The following ANKRD10 variants were observed in gnomAD, a reference collection of about 807,000 sequenced individuals.
ANKRD10 encodes the protein ankyrin repeat domain-containing protein 10.
ANKRD10 carries 14 observed loss-of-function variants against 27.0 expected under a neutral mutation model. That is an observed-to-expected ratio of 0.52 (90% CI 0.34 to 0.81). The LOEUF is 0.81. Among genes scored for constraint, ANKRD10 ranks in the 40% least tolerant of loss-of-function variants. The pLI, the probability that ANKRD10 is intolerant of heterozygous loss-of-function variation, is 0.01. For missense variants in ANKRD10, 493 were observed against 544.0 expected (o/e 0.91, Z 0.93); for synonymous variants, 250 against 224.5 (o/e 1.11, Z -1.01).
chr13:110,894,156 G>C lies in ANKRD10; in HGVS notation c.456-893C>G, dbSNP rs748137399. The C allele has an allele frequency of 5.0e-6, 8 of 1,612,364 alleles. No homozygotes were observed. The Admixed American group carries it at 5.0e-5, about 10-fold the overall frequency. ...GAGGGATCAAAAGTAACTCCATGTT[G>C]AAGTTCCCCTGGAAGACAAGAATGT... On this transcript the variant is annotated intron_variant, in intron 3 of 5. Coordinates refer to ENST00000267339, the MANE Select transcript of ANKRD10 (RefSeq NM_017664.4).
Position 110,914,543 on chromosome 13 carries a change from G to GC in ANKRD10, c.210+181dup, listed in dbSNP as rs1247931997. 1.3e-5 allele frequency: 11 copies of GC among 825,814 alleles called. No individual in the cohort carries two copies. The African/African-American group carries it at 1.8e-4, about 14-fold the overall frequency. The allele number at this position is 825,814 out of a possible 1,614,324, so 51.2% of individuals were successfully genotyped here. ...CCCCGCGCCCCCCGGCTGCCCCGCC[G>GC]CGACTCCGGGCCGCGAGCGCTGCCG... is the stretch of plus-strand genomic sequence containing the variant. On this transcript the variant is annotated intron_variant, in intron 1 of 5. Transcript: ENST00000267339.
At chr13:110,909,114 C>T (rs1413534607) in intron 2 of ANKRD10, among the ~76,000 whole-genome samples, 1 of 152,108 alleles carries the variant, frequency 6.6e-6, no homozygotes, top group African/African-American at 2.4e-5. Flanking sequence ...GAAAAGGGGG[C>T]TTCTTGATTT....
intron 1 of ANKRD10, 23 bp downstream of exon 1, chr13:110,914,702 C>T (rs374787040): frequency 3.2e-6 from 5 of 1,544,962 alleles, no homozygotes; most frequent in Non-Finnish European, 4.4e-6. Context: ...GGGAAAATGG[C>T]GCCTTAAAGC....
intron 4 of ANKRD10, among the ~76,000 whole-genome samples, chr13:110,887,710 A>G (rs7986206): frequency 0.99 from 150,072 of 152,330 alleles, 73,975 homozygotes; most frequent in East Asian, 1. Flanking sequence ...GAACTTAGGC[A>G]AAGCTTGAGA....
intron 3 of ANKRD10, chr13:110,894,403 C>A (rs542139998): frequency 2.2e-3 from 135 of 62,674 alleles, no homozygotes; most frequent in East Asian, 2.9e-3. Flanking sequence ...ACTGTTAATG[C>A]AAAAAAAAAA....
At chr13:110,914,597 A>T in intron 1 of ANKRD10, 128 bp downstream of exon 1, 1 of 1,367,796 alleles carries the variant, frequency 7.3e-7, no homozygotes, top group Non-Finnish European at 9.6e-7. Context: ...CTCGGGGCAC[A>T]GGCGCCGTCG....
chr13:110,897,064 T>TA (rs1291178889), intron 3 of ANKRD10, among the ~76,000 whole-genome samples: 1 of 152,064 alleles, frequency 6.6e-6, no homozygotes, highest in Non-Finnish European at 1.5e-5. Flanking sequence ...ACAAAAAAAA[T>TA]AAAAAATTAC....
In ANKRD10 at chr13:110,910,683, C is replaced by A; in HGVS notation, c.298G>T (p.Ala100Ser). Residue 100 changes from alanine (A) to serine (S), a missense_variant, in exon 2 of 6, where the codon GCC (alanine) becomes TCC (serine). By Grantham distance (99) the Ala-to-Ser change is moderately conservative. Coordinates refer to ENST00000267339, the MANE Select transcript of ANKRD10 (RefSeq NM_017664.4). Reference sequence around the variant, plus strand: ...AGGCACTGAGGATGTCCCCCAAAGGCTGCAATGTGGGCTGGCGTCTGCGCG... The same window carrying A: ...AGGCACTGAGGATGTCCCCCAAAGGATGCAATGTGGGCTGGCGTCTGCGCG... ...RYAQTPAHIA[A>S]FGGHPQCLVW... The A allele has an allele frequency of 6.2e-7, 1 of 1,614,172 alleles. No homozygotes were observed. Among genetic ancestry groups the A allele is most frequent in the South Asian group, 1.1e-5 (1 of 91,080 alleles).
intron 2 of ANKRD10, 95 bp downstream of exon 2, chr13:110,910,523 C>A: frequency 1.4e-6 from 2 of 1,472,214 alleles, no homozygotes; most frequent in African/African-American, 1.4e-5. Context: ...ATATCAAACT[C>A]TAATTAAGGC....
intron 4 of ANKRD10, among the ~76,000 whole-genome samples, chr13:110,888,261 A>G (rs2064985756): frequency 1.3e-5 from 2 of 149,432 alleles, no homozygotes; most frequent in Admixed American, 6.8e-5. Flanking sequence ...TGGAGTGTCC[A>G]CAACTGTGCT....
rs948214161 is a variant in ANKRD10, at chr13:110,915,060, C to A, written c.-126G>T. The A allele has an allele frequency of 7.1e-7, 1 of 1,411,004 alleles. No homozygotes were observed. Among genetic ancestry groups the A allele is most frequent in the Admixed American group, 2.9e-5 (1 of 34,404 alleles). The allele number at this position is 1,411,004 out of a possible 1,614,324, so 87.4% of individuals were successfully genotyped here. A position where few individuals can be genotyped will look rare whatever the true frequency, so the allele number is the denominator to read the frequency against. ...CGGTCGCGTCCCACAGGCTGCCGAG[C>A]GGAGCGCGCACAGAGGGGGCGGGGC... is the stretch of plus-strand genomic sequence containing the variant. On this transcript the variant is annotated 5_prime_UTR_variant, in exon 1 of 6. Coordinates refer to ENST00000267339, the MANE Select transcript of ANKRD10 (RefSeq NM_017664.4).
chr13:110,912,555 AAACC>A (rs1160976872), intron 1 of ANKRD10, among the ~76,000 whole-genome samples: 1 of 152,242 alleles, frequency 6.6e-6, no homozygotes, highest in Non-Finnish European at 1.5e-5. Context: ...CGCTGGCTTT[AAACC>A]TGTTACCCTT....
chr13:110,911,921 A>G (rs1566499446), intron 1 of ANKRD10: 1 of 152,262 alleles, frequency 6.6e-6, no homozygotes, highest in Admixed American at 6.5e-5. Context: ...TGAATAATCA[A>G]TAGAGGCCCC....
intron 1 of ANKRD10, among the ~76,000 whole-genome samples, chr13:110,911,193 T>C (rs1259298232): frequency 1.3e-5 from 2 of 152,208 alleles, no homozygotes; most frequent in Non-Finnish European, 2.9e-5. Flanking sequence ...CTCATGCCTG[T>C]AATCCTAGCA....
chr13:110,885,577 GAA>G (rs1266720549), intron 4 of ANKRD10, among the ~76,000 whole-genome samples: 1 of 151,882 alleles, frequency 6.6e-6, no homozygotes, highest in South Asian at 2.1e-4. Flanking sequence ...GAAAGAAAAA[GAA>G]AAAAGAATGG....
At chr13:110,891,582 G>GA (rs1439202988) in intron 4 of ANKRD10, among the ~76,000 whole-genome samples, 1 of 152,042 alleles carries the variant, frequency 6.6e-6, no homozygotes, top group Non-Finnish European at 1.5e-5. Context: ...ACTTTATAGG[G>GA]AAAAAATGTT....
chr13:110,883,916 C>T (rs1202471464), intron 4 of ANKRD10, 123 bp from the exon 5 acceptor site: 7 of 1,123,980 alleles, frequency 6.2e-6, no homozygotes, highest in African/African-American at 3.1e-5. Context: ...AAAAAAAAAT[C>T]GACAGGTCAC....
Position 110,893,711 on chromosome 13 carries a change from C to G in ANKRD10, c.456-448G>C, listed in dbSNP as rs192362483. On this transcript the variant is annotated intron_variant, in intron 3 of 5. Coordinates refer to ENST00000267339, the MANE Select transcript of ANKRD10 (RefSeq NM_017664.4). Reference sequence around the variant, plus strand: ...TCCTAAAAACAAAGCAATGGCTCACCAACGAGCCAGCCTTCATGCTTACAT... The same window carrying G: ...TCCTAAAAACAAAGCAATGGCTCACGAACGAGCCAGCCTTCATGCTTACAT... 2.1e-3 allele frequency among the ~76,000 whole-genome samples: 316 copies of G among 152,296 alleles called. 2 individuals are homozygous for G. Among genetic ancestry groups the G allele is most frequent in the African/African-American group, 7.1e-3 (297 of 41,564 alleles).
chr13:110,914,606 C>G, intron 1 of ANKRD10, 119 bp downstream of exon 1: 1 of 1,403,894 alleles, frequency 7.1e-7, no homozygotes, highest in Admixed American at 2.7e-5. Flanking sequence ...CAGGCGCCGT[C>G]GATCCCGCTT....
Sources: allele counts gnomAD v4.1 joint callset (sites outside exome capture counted in the v4.1 genomes callset), GRCh38; gene constraint gnomAD v4.1.1; transcripts MANE v1.5; gene names NCBI Gene and HGNC (gene_info 2026-07-23, HGNC 2026-07-21).